WIF1: variants seen among roughly 807,000 people sequenced by gnomAD.
The protein encoded by WIF1 is Wnt inhibitory factor 1.
A neutral mutation model predicts 53.5 loss-of-function variants in WIF1; 35 were observed. That is an observed-to-expected ratio of 0.65 (90% CI 0.50 to 0.87). The LOEUF (loss-of-function observed/expected upper bound fraction) is 0.87. WIF1 is among the 40% of genes least tolerant of loss of function. The pLI is 0.00. For synonymous variants in WIF1, 171 were observed against 170.4 expected (o/e 1.00, Z -0.03); for missense variants, 467 against 476.8 (o/e 0.98, Z 0.19).
chr12:65,110,535 T>C (rs978596250), intron 2 of WIF1, among the ~76,000 whole-genome samples: 1 of 152,200 alleles, frequency 6.6e-6, no homozygotes, highest in Non-Finnish European at 1.5e-5. Context: ...ATACATCTGT[T>C]TCACACTTAT....
intron 2 of WIF1, among the ~76,000 whole-genome samples, chr12:65,119,873 T>G (rs1238589585): frequency 1.3e-5 from 2 of 152,254 alleles, no homozygotes; most frequent in African/African-American, 4.8e-5. Context: ...AAATGGTAAC[T>G]TGAAAACATA....
At chr12:65,070,209 T>G (rs1882752327) in intron 3 of WIF1, among the ~76,000 whole-genome samples, 1 of 152,198 alleles carries the variant, frequency 6.6e-6, no homozygotes, top group Non-Finnish European at 1.5e-5. Context: ...ATTGTCAGTG[T>G]TCATTGCTAT....
At chr12:65,086,880 A>G (rs1883047147) in intron 2 of WIF1, among the ~76,000 whole-genome samples, 1 of 152,072 alleles carries the variant, frequency 6.6e-6, no homozygotes, top group Non-Finnish European at 1.5e-5. Flanking sequence ...ATGGTGGCTC[A>G]CACCTGTAAT....
intron 2 of WIF1, among the ~76,000 whole-genome samples, chr12:65,097,038 A>G (rs1168118899): frequency 6.6e-6 from 1 of 151,864 alleles, no homozygotes; most frequent in African/African-American, 2.4e-5. Flanking sequence ...AAAAAAAAGA[A>G]ACAGATCAAC....
Position 65,055,682 on chromosome 12 carries a change from G to A in WIF1, c.922+349C>T, listed in dbSNP as rs939100598. Among the ~76,000 whole-genome samples, 3 of 152,332 alleles carry A rather than the reference G, an allele frequency of 2.0e-5. No individual in the cohort carries two copies. In the East Asian group the frequency reaches 5.8e-4, roughly 29 times the overall value. The stretch of plus-strand genomic sequence containing the variant: ...CCCAGCTACTCGGGAGGCCGAGGCA[G>A]GGGAATCGCTTACACCTGGGGGGCG... On this transcript the variant is annotated intron_variant, in intron 8 of 9. Coordinates refer to ENST00000286574, the MANE Select transcript of WIF1 (RefSeq NM_007191.5).
At chr12:65,084,970 T>A (rs922014017) in intron 2 of WIF1, among the ~76,000 whole-genome samples, 1 of 152,216 alleles carries the variant, frequency 6.6e-6, no homozygotes, top group Non-Finnish European at 1.5e-5. Context: ...CCGATCTGTG[T>A]GTAGTTTATA....
rs758166760 is a variant in WIF1, at chr12:65,077,791, T to C, written c.352A>G (p.Thr118Ala). ...SLDKGIMADP[T>A]VNVPLLGTVP... The stretch of plus-strand genomic sequence containing the variant: ...GTTCCCAGCAGAGGGACATTGACGG[T>C]TGGATCTGCCATGATGCCTTTATCC... Residue 118 changes from threonine to alanine, a missense_variant, in exon 3 of 10, where the codon ACC becomes GCC. By Grantham distance (58) the Thr-to-Ala change is moderately conservative. Transcript: ENST00000286574. 11 of 1,613,762 alleles carry C rather than the reference T, an allele frequency of 6.8e-6. No homozygotes were observed. In the South Asian group the frequency reaches 8.8e-5, roughly 13 times the overall value.
intron 3 of WIF1, among the ~76,000 whole-genome samples, chr12:65,071,028 G>A (rs1882764088): frequency 6.6e-6 from 1 of 151,812 alleles, no homozygotes; most frequent in Non-Finnish European, 1.5e-5. Flanking sequence ...TTGAGATCAG[G>A]AGTTGGAGAC....
At chr12:65,053,749 CT>C (rs2136606394) in intron 9 of WIF1, among the ~76,000 whole-genome samples, 1 of 151,836 alleles carries the variant, frequency 6.6e-6, no homozygotes, top group East Asian at 1.9e-4. Flanking sequence ...TACATATACA[CT>C]TATTTTAGAT....
intron 2 of WIF1, among the ~76,000 whole-genome samples, chr12:65,085,271 A>G (rs1224178823): frequency 1.3e-5 from 2 of 152,176 alleles, no homozygotes; most frequent in Non-Finnish European, 2.9e-5. Context: ...ATATTTGAAT[A>G]TATATAATAA....
At chr12:65,084,097 T>C (rs999632437) in intron 2 of WIF1, among the ~76,000 whole-genome samples, 2 of 152,066 alleles carry the variant, frequency 1.3e-5, no homozygotes, top group Non-Finnish European at 2.9e-5. Context: ...CTTACCTCTA[T>C]CTCATGTCCC....
chr12:65,060,622 G>A (rs1294144482), intron 7 of WIF1, among the ~76,000 whole-genome samples: 1 of 152,152 alleles, frequency 6.6e-6, no homozygotes, highest in Non-Finnish European at 1.5e-5. Flanking sequence ...ATTTGATAGA[G>A]GTGATGGCTA....
At chr12:65,060,011 A>G (rs1882587016) in intron 7 of WIF1, among the ~76,000 whole-genome samples, 1 of 134,658 alleles carries the variant, frequency 7.4e-6, no homozygotes, top group African/African-American at 2.6e-5. Context: ...GCATCGGAGT[A>G]TACATTTCAT....
chr12:65,099,898 CTACTT>C (rs1228745748), intron 2 of WIF1, among the ~76,000 whole-genome samples: 1 of 152,116 alleles, frequency 6.6e-6, no homozygotes, highest in Non-Finnish European at 1.5e-5. Flanking sequence ...TAATCCCACT[CTACTT>C]TGTCCTTAAG....
intron 2 of WIF1, chr12:65,083,846 C>CTTTTCTTTTCTTTTCTTTTCTT (rs1484313848): frequency 3.2e-6 from 1 of 312,634 alleles, no homozygotes; most frequent in Non-Finnish European, 6.2e-6. Context: ...CTTTTCTTTT[C>CTTTTCTTTTCTTTTCTTTTCTT]TTTTCTTTTC....
At chr12:65,088,498 G>A (rs1437677513) in intron 2 of WIF1, among the ~76,000 whole-genome samples, 1 of 152,058 alleles carries the variant, frequency 6.6e-6, no homozygotes, top group African/African-American at 2.4e-5. Context: ...TTTTAAAAGA[G>A]TCTATAACCA....
intron 2 of WIF1, among the ~76,000 whole-genome samples, chr12:65,094,384 C>T (rs1000806236): frequency 1.3e-5 from 2 of 152,156 alleles, no homozygotes; most frequent in Non-Finnish European, 2.9e-5. Context: ...TTAGCAAAGA[C>T]ATGCTCTCAT....
Position 65,121,171 on chromosome 12 carries a change from GA to G in WIF1, c.20del (p.Phe7SerfsTer43). On this transcript the variant is annotated frameshift_variant, in exon 1 of 10. Coordinates refer to ENST00000286574, the MANE Select transcript of WIF1 (RefSeq NM_007191.5). LOFTEE classifies it high-confidence loss of function. Reference protein sequence around the residue: MARRSAFPAAALWLWSI... With the variant: MARRSAXPAAALWLWSI... ...TCCAGAGCCAGAGCGCGGCGGCAGGGAAGGCGCTCCTCCGGGCCATGCTGCT... is the reference window on the plus strand; with the variant it reads ...TCCAGAGCCAGAGCGCGGCGGCAGGGAGGCGCTCCTCCGGGCCATGCTGCT... 1 of 1,545,786 alleles carries G rather than the reference GA, an allele frequency of 6.5e-7. No homozygotes were observed. The highest frequency in any genetic ancestry group is 8.7e-7 in the Non-Finnish European group (1 of 1,144,948).
At chr12:65,065,123 C>A (rs1260532771) in intron 6 of WIF1, among the ~76,000 whole-genome samples, 3 of 152,016 alleles carry the variant, frequency 2.0e-5, no homozygotes, top group African/African-American at 7.3e-5. Flanking sequence ...GATTTTTAAT[C>A]CAATACTATA....
Sources: gnomAD v4.1 joint callset for allele counts (sites outside exome capture counted in the v4.1 genomes callset) on GRCh38, gnomAD v4.1.1 for gene constraint, MANE v1.5 for transcripts, NCBI Gene and HGNC (gene_info 2026-07-23, HGNC 2026-07-21) for gene names.